CNTNAP5: variants seen among roughly 807,000 people sequenced by gnomAD.
CNTNAP5 encodes contactin associated protein family member 5.
CNTNAP5 carries 72 observed loss-of-function variants against 150.2 expected under a neutral mutation model. That is an observed-to-expected ratio of 0.48 (90% CI 0.40 to 0.58). The LOEUF is 0.58. CNTNAP5 is among the 20% of genes least tolerant of loss of function. The probability of loss-of-function intolerance (pLI) is 0.00; values close to 1 mark genes in which losing one functional copy is unlikely to be tolerated. For missense variants in CNTNAP5, 1,636 were observed against 1,626.2 expected, an observed-to-expected ratio of 1.01 and a Z score of -0.10; for synonymous variants, 672 against 619.8, an observed-to-expected ratio of 1.08 and a Z score of -1.25.
At chr2:124,233,060 C>G (rs1409094917) in intron 2 of CNTNAP5, among the ~76,000 whole-genome samples, 1 of 146,706 alleles carries the variant, frequency 6.8e-6, no homozygotes, top group Admixed American at 6.9e-5. Flanking sequence ...TTTTTCATTA[C>G]AAAAGGATTA....
At chr2:124,079,719 G>A (rs1463913031) in intron 1 of CNTNAP5, among the ~76,000 whole-genome samples, 2 of 152,144 alleles carry the variant, frequency 1.3e-5, no homozygotes, top group African/African-American at 2.4e-5. Context: ...GAGCATGCGT[G>A]TGTATGTATA....
chr2:124,138,058 T>A (rs915655467), intron 1 of CNTNAP5, among the ~76,000 whole-genome samples: 2 of 152,188 alleles, frequency 1.3e-5, no homozygotes, highest in African/African-American at 4.8e-5. Context: ...TGAAAAATGT[T>A]ACCTCAAAGA....
chr2:124,379,274 A>G (rs934885165), intron 3 of CNTNAP5, among the ~76,000 whole-genome samples: 3 of 152,080 alleles, frequency 2.0e-5, no homozygotes, highest in African/African-American at 7.2e-5. Context: ...TGTGCCCACC[A>G]TGACAGTATC....
At chr2:124,314,391 T>C (rs568488618) in intron 3 of CNTNAP5, among the ~76,000 whole-genome samples, 1 of 152,280 alleles carries the variant, frequency 6.6e-6, no homozygotes, top group East Asian at 1.9e-4. Context: ...TGAATCTCCG[T>C]AGTGGGCCCT....
chr2:124,308,195 CT>C (rs993547893), intron 3 of CNTNAP5, among the ~76,000 whole-genome samples: 49 of 151,394 alleles, frequency 3.2e-4, no homozygotes, highest in African/African-American at 1.0e-3. Context: ...TATTGGAAGA[CT>C]TTTTTTTTGT....
chr2:124,040,457 T>C (rs1681338774), intron 1 of CNTNAP5, among the ~76,000 whole-genome samples: 1 of 152,176 alleles, frequency 6.6e-6, no homozygotes, highest in Non-Finnish European at 1.5e-5. Context: ...TACACAGTAG[T>C]TCCTTTGGTT....
intron 5 of CNTNAP5, among the ~76,000 whole-genome samples, chr2:124,445,522 C>A (rs932376393): frequency 6.6e-6 from 1 of 152,196 alleles, no homozygotes; most frequent in Non-Finnish European, 1.5e-5. Flanking sequence ...CCAATGAAAT[C>A]AAGTCAGCTA....
intron 3 of CNTNAP5, among the ~76,000 whole-genome samples, chr2:124,281,705 G>A (rs925861517): frequency 6.6e-6 from 1 of 152,276 alleles, no homozygotes; most frequent in East Asian, 1.9e-4. Context: ...CAGGAGAAAT[G>A]AGCTTTTGCT....
At chr2:124,078,601 A>G (rs1336855502) in intron 1 of CNTNAP5, among the ~76,000 whole-genome samples, 3 of 152,186 alleles carry the variant, frequency 2.0e-5, no homozygotes, top group Non-Finnish European at 4.4e-5. Flanking sequence ...GTTTTGAACA[A>G]TTTACAATTT....
chr2:124,311,462 G>A (rs1404663002), intron 3 of CNTNAP5, among the ~76,000 whole-genome samples: 1 of 152,102 alleles, frequency 6.6e-6, no homozygotes, highest in East Asian at 1.9e-4. Context: ...AGTGTGGGGA[G>A]AAAGCGAGAA....
chr2:124,056,559 T>C (rs912835606), intron 1 of CNTNAP5, among the ~76,000 whole-genome samples: 4 of 152,180 alleles, frequency 2.6e-5, no homozygotes, highest in African/African-American at 9.6e-5. Flanking sequence ...GGCAGGAGAA[T>C]GGTGTGAACA....
At chr2:124,748,914 G>A (rs1323689785) in intron 14 of CNTNAP5, among the ~76,000 whole-genome samples, 1 of 152,134 alleles carries the variant, frequency 6.6e-6, no homozygotes, top group African/African-American at 2.4e-5. Flanking sequence ...TGCATTCTGT[G>A]AGCCCCCACT....
chr2:124,684,330 G>T (rs11687803), intron 13 of CNTNAP5, among the ~76,000 whole-genome samples: 35,826 of 152,102 alleles, frequency 0.24, 4,742 homozygotes, highest in African/African-American at 0.36. Flanking sequence ...CTTACTCAGT[G>T]TATGTTAAAA....
chr2:124,875,627 T>G (rs1197145971), intron 21 of CNTNAP5, among the ~76,000 whole-genome samples: 1 of 152,020 alleles, frequency 6.6e-6, no homozygotes, highest in Non-Finnish European at 1.5e-5. Flanking sequence ...ATTTAGCATA[T>G]ACTCAAGAAA....
At chr2:124,679,767 G>T (rs976920520) in intron 13 of CNTNAP5, among the ~76,000 whole-genome samples, 1 of 151,692 alleles carries the variant, frequency 6.6e-6, no homozygotes, top group Non-Finnish European at 1.5e-5. Context: ...GTCTCGACAT[G>T]TTGCCCAGGC....
At chr2:124,786,393 A>AGG (rs1468698701) in intron 17 of CNTNAP5, among the ~76,000 whole-genome samples, 880 of 86,318 alleles carry the variant, frequency 0.01, 2 homozygotes, top group Non-Finnish European at 0.011. Context: ...GAAAGAAAGA[A>AGG]AGAAAGAAGG....
intron 10 of CNTNAP5, among the ~76,000 whole-genome samples, chr2:124,553,114 A>G (rs1457935389): frequency 6.6e-6 from 1 of 152,228 alleles, no homozygotes; most frequent in African/African-American, 2.4e-5. Flanking sequence ...CACTGTGTCC[A>G]TGGCATTGTG....
intron 13 of CNTNAP5, among the ~76,000 whole-genome samples, chr2:124,707,200 A>AGACGAG (rs1319089788): frequency 3.5e-5 from 5 of 144,114 alleles, no homozygotes; most frequent in African/African-American, 1.0e-4. Context: ...AAGAAGAAGA[A>AGACGAG]GAAGAATAAA....
At chr2:124,666,741 C>T (rs1678709982) in intron 13 of CNTNAP5, among the ~76,000 whole-genome samples, 1 of 152,188 alleles carries the variant, frequency 6.6e-6, no homozygotes, top group Non-Finnish European at 1.5e-5. Context: ...TCTCTGGCAG[C>T]TGGCCAGTGA....
Sources: allele counts gnomAD v4.1 joint callset (sites outside exome capture counted in the v4.1 genomes callset), GRCh38; gene constraint gnomAD v4.1.1; transcripts MANE v1.5; gene names NCBI Gene and HGNC (gene_info 2026-07-23, HGNC 2026-07-21).